The following KLHL32 variants were observed in gnomAD, a reference collection of about 807,000 sequenced individuals.
KLHL32 encodes the protein kelch-like protein 32.
A neutral mutation model predicts 64.8 loss-of-function variants in KLHL32; 35 were observed. That is an observed-to-expected ratio of 0.54 (90% CI 0.41 to 0.72). The LOEUF (loss-of-function observed/expected upper bound fraction) is 0.72. KLHL32 is among the 30% of genes least tolerant of loss of function. The pLI, the probability that KLHL32 is intolerant of heterozygous loss-of-function variation, is 0.00. For missense variants in KLHL32, 589 were observed against 768.5 expected, an observed-to-expected ratio of 0.77 and a Z score of 2.76; for synonymous variants, 259 against 281.0, an observed-to-expected ratio of 0.92 and a Z score of 0.78.
At position 97,135,661 on chromosome 6, in the gene KLHL32, T is replaced by G. The variant is rs1799928696; in HGVS notation, c.1701+2914T>G. ...AGTATCCCTATAAGCATATGGATTA[T>G]CACTTAAAGAGATGTTTGAAATAGA... On this transcript the variant is annotated intron_variant, in intron 10 of 10. Coordinates refer to ENST00000369261, the MANE Select transcript of KLHL32 (RefSeq NM_052904.4). 2.0e-5 allele frequency among the ~76,000 whole-genome samples: 3 copies of G among 152,320 alleles called. No homozygotes were observed. In the South Asian group the frequency reaches 6.2e-4, roughly 32 times the overall value.
intron 1 of KLHL32, among the ~76,000 whole-genome samples, chr6:96,947,417 C>A (rs1208853042): frequency 6.6e-6 from 1 of 152,148 alleles, no homozygotes; most frequent in Non-Finnish European, 1.5e-5. Context: ...TAAGACACAA[C>A]CACATGTTAG....
At chr6:96,900,120 C>T in the KLHL32 span, among the ~76,000 whole-genome samples, 1 of 152,164 alleles carries the variant, frequency 6.6e-6, no homozygotes, top group Non-Finnish European at 1.5e-5. Context: ...GTTCTCTCTG[C>T]CTGAACACTA....
chr6:97,077,722 A>G (rs760288857), intron 5 of KLHL32, among the ~76,000 whole-genome samples: 12 of 152,204 alleles, frequency 7.9e-5, no homozygotes, highest in Non-Finnish European at 1.3e-4. Context: ...GTTAAGTTGT[A>G]TCTATAACCA....
At chr6:97,015,422 A>G (rs1472809826) in intron 3 of KLHL32, among the ~76,000 whole-genome samples, 1 of 152,208 alleles carries the variant, frequency 6.6e-6, no homozygotes, top group African/African-American at 2.4e-5. Context: ...TGATGTAGAC[A>G]GTGAAGTCCA....
chr6:97,117,411 G>T (rs1216450870), intron 7 of KLHL32, among the ~76,000 whole-genome samples: 1 of 152,146 alleles, frequency 6.6e-6, no homozygotes, highest in East Asian at 1.9e-4. Context: ...AACACAGAAT[G>T]AATGTTTCTT....
At chr6:96,956,433 A>G (rs1274713006) in intron 1 of KLHL32, among the ~76,000 whole-genome samples, 19 of 152,178 alleles carry the variant, frequency 1.2e-4, no homozygotes, top group Admixed American at 1.2e-3. Context: ...CCTGTATACT[A>G]TGCTGCATCT....
At chr6:97,076,521 C>G (rs989447896) in intron 5 of KLHL32, among the ~76,000 whole-genome samples, 1 of 152,146 alleles carries the variant, frequency 6.6e-6, no homozygotes, top group Non-Finnish European at 1.5e-5. Context: ...TGGGTCAGCT[C>G]CAAATCATGT....
chr6:96,943,061 ACACACACACT>A (rs915727167), intron 1 of KLHL32, among the ~76,000 whole-genome samples: 12 of 151,752 alleles, frequency 7.9e-5, no homozygotes, highest in Admixed American at 2.0e-4. Flanking sequence ...ACACACACAC[ACACACACACT>A]CTGTACATAC....
intron 4 of KLHL32, among the ~76,000 whole-genome samples, chr6:97,059,582 A>C (rs757233900): frequency 3.9e-5 from 6 of 152,216 alleles, no homozygotes; most frequent in Admixed American, 3.3e-4. Flanking sequence ...TAAACTTCAG[A>C]TGTCAGATAT....
At chr6:96,981,075 C>T (rs1363300287) in intron 3 of KLHL32, among the ~76,000 whole-genome samples, 2 of 152,118 alleles carry the variant, frequency 1.3e-5, no homozygotes, top group Non-Finnish European at 2.9e-5. Flanking sequence ...CTCACTATCA[C>T]AGGAACAGCA....
the KLHL32 span, among the ~76,000 whole-genome samples, chr6:96,913,836 G>C: frequency 2.6e-5 from 4 of 152,170 alleles, no homozygotes; most frequent in African/African-American, 9.7e-5. Flanking sequence ...TGGGGGAAGG[G>C]TGTGGTGGGC....
intron 4 of KLHL32, among the ~76,000 whole-genome samples, chr6:97,052,159 G>A (rs187275387): frequency 3.9e-4 from 59 of 152,308 alleles, no homozygotes; most frequent in Non-Finnish European, 6.6e-4. Context: ...ATATTTCAGT[G>A]TGTACATGCT....
chr6:97,101,474 C>A (rs1795717608), intron 6 of KLHL32, among the ~76,000 whole-genome samples: 1 of 152,120 alleles, frequency 6.6e-6, no homozygotes, highest in African/African-American at 2.4e-5. Context: ...ATCTTTCTCA[C>A]CAAGTTTCTG....
At chr6:96,902,712 T>C in the KLHL32 span, among the ~76,000 whole-genome samples, 1 of 152,248 alleles carries the variant, frequency 6.6e-6, no homozygotes. Flanking sequence ...AGGGTTTTCA[T>C]AGTTTTGGGT....
At chr6:96,988,865 A>G (rs951149426) in intron 3 of KLHL32, among the ~76,000 whole-genome samples, 1 of 152,174 alleles carries the variant, frequency 6.6e-6, no homozygotes, top group Non-Finnish European at 1.5e-5. Context: ...CAAAAAACCA[A>G]ACACCGCATG....
At chr6:97,032,594 C>CA (rs1783714404) in intron 3 of KLHL32, among the ~76,000 whole-genome samples, 1 of 152,236 alleles carries the variant, frequency 6.6e-6, no homozygotes, top group Non-Finnish European at 1.5e-5. Context: ...CATTCTTCTG[C>CA]AGTTTAAGCT....
At chr6:97,046,029 A>G (rs1163879888) in intron 4 of KLHL32, among the ~76,000 whole-genome samples, 1 of 152,216 alleles carries the variant, frequency 6.6e-6, no homozygotes, top group Non-Finnish European at 1.5e-5. Context: ...GGTTGCAATT[A>G]TTCTGTCCAA....
At chr6:96,968,366 AAAAAACAAAAAAC>A (rs1774711866) in intron 2 of KLHL32, among the ~76,000 whole-genome samples, 2 of 151,924 alleles carry the variant, frequency 1.3e-5, no homozygotes, top group African/African-American at 2.4e-5. Flanking sequence ...AGCAAAAAAC[AAAAAACAAAAAAC>A]AAAAACAAAA....
At chr6:96,917,946 C>T in the KLHL32 span, among the ~76,000 whole-genome samples, 4 of 152,114 alleles carry the variant, frequency 2.6e-5, no homozygotes, top group South Asian at 2.1e-4. Flanking sequence ...GGGGCTGTTC[C>T]GTACATTGTA....
Sources: gnomAD v4.1 joint callset for allele counts (sites outside exome capture counted in the v4.1 genomes callset) on GRCh38, gnomAD v4.1.1 for gene constraint, MANE v1.5 for transcripts, NCBI Gene and HGNC (gene_info 2026-07-23, HGNC 2026-07-21) for gene names.